Variants in RORA observed in about 807,000 individuals in gnomAD.
RORA encodes the protein nuclear receptor ROR-alpha.
In RORA, 7 loss-of-function variants were observed where a neutral mutation model predicts 69.5. The observed-to-expected ratio is 0.10, with a 90% CI of 0.06 to 0.19. The LOEUF is 0.19. Among genes scored for constraint, RORA ranks in the 10% least tolerant of loss-of-function variants. RORA has a pLI of 1.00. For synonymous variants in RORA, 261 were observed against 240.8 expected (o/e 1.08, Z -0.78); for missense variants, 457 against 663.0 (o/e 0.69, Z 3.41).
chr15:60,661,395 A>C (rs1202826017), intron 2 of RORA, among the ~76,000 whole-genome samples: 1 of 152,208 alleles, frequency 6.6e-6, no homozygotes, highest in Non-Finnish European at 1.5e-5. Flanking sequence ...AAAAGCTGCT[A>C]TCTGCCTGGG....
intron 1 of RORA, among the ~76,000 whole-genome samples, chr15:60,693,121 C>T (rs1197791942): frequency 6.6e-6 from 1 of 152,198 alleles, no homozygotes; most frequent in South Asian, 2.1e-4. Flanking sequence ...TTGGCTTCAT[C>T]CCCGGGATGC....
At chr15:61,198,675 CAA>C (rs34291851) in intron 1 of RORA, among the ~76,000 whole-genome samples, 5,503 of 139,416 alleles carry the variant, frequency 0.039, 113 homozygotes, top group Middle Eastern at 0.095. Flanking sequence ...TATATTCTCT[CAA>C]AAAAAAAAAA....
intron 2 of RORA, among the ~76,000 whole-genome samples, chr15:60,602,118 C>T (rs535055598): frequency 2.0e-5 from 3 of 152,150 alleles, no homozygotes; most frequent in Admixed American, 1.3e-4. Context: ...CAGAATGTAA[C>T]GGTGATTTGA....
intron 1 of RORA, among the ~76,000 whole-genome samples, chr15:60,808,385 T>C (rs1371117680): frequency 6.6e-6 from 1 of 152,096 alleles, no homozygotes; most frequent in Non-Finnish European, 1.5e-5. Context: ...CCTGCAAGAA[T>C]GGACATAATA....
intron 2 of RORA, among the ~76,000 whole-genome samples, chr15:60,545,610 A>C (rs769198650): frequency 3.0e-4 from 46 of 152,290 alleles, no homozygotes; most frequent in Non-Finnish European, 5.6e-4. Flanking sequence ...CTATGAGAGA[A>C]AAATCAAGCC....
chr15:60,607,469 C>T (rs1440851748), intron 2 of RORA, among the ~76,000 whole-genome samples: 2 of 152,084 alleles, frequency 1.3e-5, no homozygotes, highest in African/African-American at 2.4e-5. Context: ...GTATACATAC[C>T]TAAAATAATA....
intron 1 of RORA, among the ~76,000 whole-genome samples, chr15:60,867,799 C>T (rs1185802456): frequency 6.6e-6 from 1 of 152,118 alleles, no homozygotes; most frequent in African/African-American, 2.4e-5. Context: ...TTTTAATGAT[C>T]ATTTGATTAA....
At chr15:60,978,575 A>G (rs11071577) in intron 1 of RORA, among the ~76,000 whole-genome samples, 69,412 of 151,988 alleles carry the variant, frequency 0.46, 16,252 homozygotes, top group African/African-American at 0.55. Context: ...TTTTGGTGTG[A>G]CACTTAAGAA....
At chr15:60,545,308 CAAT>C (rs1325746303) in intron 2 of RORA, 9 of 152,330 alleles carry the variant, frequency 5.9e-5, no homozygotes, top group South Asian at 2.1e-4. Context: ...CACCCACCAA[CAAT>C]GAGACGAATG....
At chr15:60,621,772 G>A (rs1306628604) in intron 2 of RORA, among the ~76,000 whole-genome samples, 1 of 152,038 alleles carries the variant, frequency 6.6e-6, no homozygotes, top group Non-Finnish European at 1.5e-5. Flanking sequence ...TGGGGGCCGG[G>A]CGCAGTAACT....
intron 3 of RORA, among the ~76,000 whole-genome samples, chr15:60,516,031 ATATATATTTATATATTTATATATATT>A (rs1567051483): frequency 4.8e-4 from 5 of 10,380 alleles, no homozygotes; most frequent in African/African-American, 1.3e-3. Context: ...TTATATATTT[ATATATATTTATATATTTATATATATT>A]TATATATATT....
chr15:60,661,558 A>G (rs2070304715), intron 2 of RORA, among the ~76,000 whole-genome samples: 1 of 152,190 alleles, frequency 6.6e-6, no homozygotes, highest in Admixed American at 6.5e-5. Context: ...AACCATGGAA[A>G]CTTTGAGACC....
At chr15:60,786,741 G>A (rs341461) in intron 1 of RORA, among the ~76,000 whole-genome samples, 148 of 152,326 alleles carry the variant, frequency 9.7e-4, no homozygotes, top group African/African-American at 3.4e-3. Flanking sequence ...TGGTCCTTGG[G>A]CCCTGTCTTG....
chr15:61,017,942 A>G (rs1895361668), intron 1 of RORA, among the ~76,000 whole-genome samples: 1 of 152,188 alleles, frequency 6.6e-6, no homozygotes, highest in African/African-American at 2.4e-5. Flanking sequence ...TAAGGAGTGA[A>G]AGGGTTGACA....
At chr15:61,198,008 T>C (rs2079860716) in intron 1 of RORA, among the ~76,000 whole-genome samples, 1 of 152,276 alleles carries the variant, frequency 6.6e-6, no homozygotes, top group Admixed American at 6.5e-5. Context: ...GATGCTCAAA[T>C]GACTCAGAGC....
intron 2 of RORA, among the ~76,000 whole-genome samples, chr15:60,547,314 C>A (rs906933990): frequency 4.8e-4 from 67 of 139,302 alleles, no homozygotes; most frequent in Non-Finnish European, 4.5e-4. Context: ...ACTTTATAGT[C>A]CCTCTCCTCC....
At chr15:60,873,601 T>A (rs1267375567) in intron 1 of RORA, among the ~76,000 whole-genome samples, 2 of 152,182 alleles carry the variant, frequency 1.3e-5, no homozygotes, top group African/African-American at 4.8e-5. Context: ...AAGTACCAGA[T>A]AATGAAAGAA....
intron 1 of RORA, among the ~76,000 whole-genome samples, chr15:60,952,264 T>A (rs1441456006): frequency 6.6e-6 from 1 of 152,054 alleles, no homozygotes; most frequent in African/African-American, 2.4e-5. Context: ...AAACTCTCAA[T>A]AAATTAGGTA....
At chr15:60,611,696 TAG>T (rs907881742) in intron 2 of RORA, among the ~76,000 whole-genome samples, 5 of 148,012 alleles carry the variant, frequency 3.4e-5, no homozygotes, top group African/African-American at 1.2e-4. Context: ...CAGCTGGCCA[TAG>T]ACACAAGCTG....
Sources: gnomAD v4.1 joint callset for allele counts (sites outside exome capture counted in the v4.1 genomes callset) on GRCh38, gnomAD v4.1.1 for gene constraint, MANE v1.5 for transcripts, NCBI Gene and HGNC (gene_info 2026-07-23, HGNC 2026-07-21) for gene names.